The following CTNNA2 variants were observed in gnomAD, a reference collection of about 807,000 sequenced individuals.
The protein encoded by CTNNA2 is catenin alpha 2.
CTNNA2 carries 42 observed loss-of-function variants against 101.0 expected under a neutral mutation model. The observed-to-expected ratio is 0.42, with a 90% confidence interval of 0.32 to 0.54. The LOEUF is 0.54. CTNNA2 is among the 20% of genes least tolerant of loss of function. The pLI, the probability that CTNNA2 is intolerant of heterozygous loss-of-function variation, is 0.14. For missense variants in CTNNA2, 871 were observed against 1,223.1 expected (o/e 0.71, Z 4.29); for synonymous variants, 450 against 456.4 (o/e 0.99, Z 0.18).
At chr2:80,275,531 G>T (rs901141582) in intron 7 of CTNNA2, among the ~76,000 whole-genome samples, 1 of 152,098 alleles carries the variant, frequency 6.6e-6, no homozygotes, top group African/African-American at 2.4e-5. Context: ...TTGTAATAAA[G>T]AATCCTTCTG....
intron 7 of CTNNA2, among the ~76,000 whole-genome samples, chr2:79,934,677 C>T (rs942317310): frequency 6.6e-6 from 1 of 152,204 alleles, no homozygotes; most frequent in Non-Finnish European, 1.5e-5. Context: ...CCTTGCTCTG[C>T]AGCTCAGGAT....
chr2:80,021,344 T>C (rs1288816904), intron 7 of CTNNA2, among the ~76,000 whole-genome samples: 3 of 152,124 alleles, frequency 2.0e-5, no homozygotes, highest in African/African-American at 7.2e-5. Flanking sequence ...TATCTGTGAA[T>C]GTATATTCAT....
chr2:79,934,206 A>G (rs1010130696), intron 7 of CTNNA2, among the ~76,000 whole-genome samples: 1 of 152,144 alleles, frequency 6.6e-6, no homozygotes, highest in Non-Finnish European at 1.5e-5. Context: ...AAGAAATTCT[A>G]TTTTCTCTGA....
intron 7 of CTNNA2, 72 bp downstream of exon 7, chr2:79,909,869 A>G (rs1574287936): frequency 7.0e-7 from 1 of 1,437,394 alleles, no homozygotes; most frequent in Non-Finnish European, 9.4e-7. Context: ...TTTTGGAAGC[A>G]TAGATAGCAG....
chr2:79,497,494 C>A (rs1317740904), intron 4 of CTNNA2, among the ~76,000 whole-genome samples: 2 of 152,198 alleles, frequency 1.3e-5, no homozygotes, highest in Non-Finnish European at 2.9e-5. Context: ...TTCTCTATCC[C>A]TTCCAGTTCT....
In CTNNA2 at chr2:80,589,340, A is replaced by C; in HGVS notation, c.2044A>C (p.Lys682Gln). ...MAQLPQEEKA[K>Q]IAEQVEIFHQ... ...GCAACTACCGCAGGAGGAGAAGGCA[A>C]AAATAGCTGAGCAGGTGGAGATATT... Residue 682 changes from lysine to glutamine, a missense_variant, in exon 15 of 19, where the codon AAA becomes CAA. Lys to Gln is a moderately conservative substitution (Grantham distance 53). This residue lies in a region of CTNNA2 where 93 missense variants were observed against 223.7 expected (regional missense o/e 0.42). Transcript: ENST00000402739. The C allele has an allele frequency of 6.2e-7, 1 of 1,614,140 alleles. No homozygotes were observed. Among genetic ancestry groups the C allele is most frequent in the Non-Finnish European group, 8.5e-7 (1 of 1,179,992 alleles).
chr2:79,560,849 C>A (rs1674734006), intron 1 of CTNNA2, among the ~76,000 whole-genome samples: 1 of 151,816 alleles, frequency 6.6e-6, no homozygotes, highest in African/African-American at 2.4e-5. Context: ...GAAGAAGCAT[C>A]CCAGATTTCA....
intron 7 of CTNNA2, among the ~76,000 whole-genome samples, chr2:80,193,779 C>A (rs889351155): frequency 3.3e-5 from 5 of 152,098 alleles, no homozygotes; most frequent in South Asian, 4.1e-4. Flanking sequence ...CACCTCTCAC[C>A]CCTTTGACAT....
intron 2 of CTNNA2, among the ~76,000 whole-genome samples, chr2:79,686,900 G>T (rs895069055): frequency 1.3e-5 from 2 of 152,104 alleles, no homozygotes; most frequent in African/African-American, 4.8e-5. Flanking sequence ...CACCCCAAAT[G>T]CCACTCCATT....
intron 2 of CTNNA2, among the ~76,000 whole-genome samples, chr2:79,712,147 A>T (rs1345064397): frequency 6.6e-6 from 1 of 152,182 alleles, no homozygotes; most frequent in East Asian, 1.9e-4. Context: ...CAACCTGTAA[A>T]GCAATTCTGT....
intron 6 of CTNNA2, among the ~76,000 whole-genome samples, chr2:79,884,732 C>T (rs1012982797): frequency 7.3e-5 from 11 of 150,170 alleles, no homozygotes; most frequent in African/African-American, 2.7e-4. Context: ...TTCCCTTTTT[C>T]ATCATCTCTT....
chr2:80,564,231 CTG>C (rs1178330451), intron 12 of CTNNA2, among the ~76,000 whole-genome samples: 2 of 152,168 alleles, frequency 1.3e-5, no homozygotes, highest in Non-Finnish European at 2.9e-5. Context: ...CCAAATTAGA[CTG>C]TATTTATTAA....
At chr2:79,628,804 G>A (rs752063421) in intron 1 of CTNNA2, among the ~76,000 whole-genome samples, 6 of 151,936 alleles carry the variant, frequency 3.9e-5, no homozygotes, top group Middle Eastern at 3.4e-3. Context: ...CATTTTTCAC[G>A]ATCTGTGACT....
chr2:80,042,584 G>A (rs1259983272), intron 7 of CTNNA2, among the ~76,000 whole-genome samples: 1 of 152,018 alleles, frequency 6.6e-6, no homozygotes, highest in African/African-American at 2.4e-5. Flanking sequence ...ATCAAACAAT[G>A]TGTCGAGAAG....
chr2:80,248,273 C>T (rs1671488694), intron 7 of CTNNA2, among the ~76,000 whole-genome samples: 1 of 152,146 alleles, frequency 6.6e-6, no homozygotes, highest in Admixed American at 6.5e-5. Context: ...TAGACTTAGT[C>T]TGAAGTGCGG....
chr2:79,804,084 A>G (rs1676375909), intron 3 of CTNNA2, among the ~76,000 whole-genome samples: 1 of 152,246 alleles, frequency 6.6e-6, no homozygotes, highest in African/African-American at 2.4e-5. Context: ...TTTTAAAAAG[A>G]TCAGAAATGC....
intron 2 of CTNNA2, among the ~76,000 whole-genome samples, chr2:79,676,915 T>A (rs1374410667): frequency 6.6e-6 from 1 of 152,098 alleles, no homozygotes; most frequent in African/African-American, 2.4e-5. Context: ...CCCTCCACCT[T>A]TTGTGGGAAG....
chr2:79,532,922 C>T (rs1487569293), intron 1 of CTNNA2, among the ~76,000 whole-genome samples: 1 of 152,070 alleles, frequency 6.6e-6, no homozygotes, highest in Non-Finnish European at 1.5e-5. Context: ...AAGCTCATAG[C>T]TCCCATTCCA....
intron 2 of CTNNA2, among the ~76,000 whole-genome samples, chr2:79,662,726 G>C (rs1044006750): frequency 6.6e-6 from 1 of 152,110 alleles, no homozygotes; most frequent in African/African-American, 2.4e-5. Flanking sequence ...ATTGAAAGTA[G>C]GAAAGGTAAG....
Sources: gnomAD v4.1 joint callset for allele counts (sites outside exome capture counted in the v4.1 genomes callset) on GRCh38, gnomAD v4.1.1 for gene constraint, gnomAD v4.1.1 regional missense constraint, MANE v1.5 for transcripts, NCBI Gene and HGNC (gene_info 2026-07-23, HGNC 2026-07-21) for gene names.